Variants in SH3KBP1 observed in about 807,000 individuals in gnomAD.
The protein encoded by SH3KBP1 is SH3 domain containing kinase binding protein 1.
A neutral mutation model predicts 50.1 loss-of-function variants in SH3KBP1; 8 were observed. The observed-to-expected ratio is 0.16, with a 90% CI of 0.09 to 0.29. The LOEUF is 0.29. Ranked by LOEUF, SH3KBP1 falls within the 10% of genes least tolerant of loss-of-function variation. The pLI, the probability that SH3KBP1 is intolerant of heterozygous loss-of-function variation, is 1.00. For missense variants in SH3KBP1, 377 were observed against 535.2 expected (o/e 0.70, Z 2.92); for synonymous variants, 227 against 218.6 (o/e 1.04, Z -0.34).
At chrX:19,865,954 G>A (rs1329404133) in intron 1 of SH3KBP1, among the ~76,000 whole-genome samples, 1 of 112,281 alleles carries the variant, frequency 8.9e-6, no homozygotes, top group African/African-American at 3.2e-5. Context: ...GTTTTTGACA[G>A]GAGGGCATTT....
intron 6 of SH3KBP1, among the ~76,000 whole-genome samples, chrX:19,659,109 ATTTTTT>A (rs147804094): frequency 1.7e-5 from 1 of 57,331 alleles, no homozygotes; most frequent in African/African-American, 5.7e-5. Flanking sequence ...TGCCCAGCTA[ATTTTTT>A]TTTTTTTTTT....
intron 9 of SH3KBP1, among the ~76,000 whole-genome samples, chrX:19,605,870 CGT>C (rs1034540354): frequency 1.8e-5 from 2 of 112,152 alleles, no homozygotes; most frequent in Non-Finnish European, 1.9e-5. Context: ...TCTGTGCTCA[CGT>C]GTCTCTACCA....
intron 11 of SH3KBP1, 40 bp downstream of exon 11, chrX:19,592,027 C>T: frequency 9.4e-7 from 1 of 1,065,475 alleles, no homozygotes; most frequent in Non-Finnish European, 1.3e-6. Flanking sequence ...GCTTCAGCTC[C>T]TGCTGTTCTG....
intron 2 of SH3KBP1, among the ~76,000 whole-genome samples, chrX:19,793,346 G>C (rs2066604147): frequency 9.4e-6 from 1 of 106,069 alleles, no homozygotes; most frequent in Non-Finnish European, 1.9e-5. Flanking sequence ...ATCTGGCTAA[G>C]AGGCACCCGT....
At chrX:19,802,685 G>A (rs765066556) in intron 2 of SH3KBP1, among the ~76,000 whole-genome samples, 8 of 111,345 alleles carry the variant, frequency 7.2e-5, no homozygotes, top group South Asian at 3.7e-4. Context: ...GCTCTGGCCC[G>A]TCCTCTTCAC....
At chrX:19,608,306 CTT>C (rs57794070) in intron 8 of SH3KBP1, among the ~76,000 whole-genome samples, 6 of 87,265 alleles carry the variant, frequency 6.9e-5, no homozygotes, top group Admixed American at 1.2e-4. Flanking sequence ...TTCTTTCTTT[CTT>C]TTTTTTTTTT....
chrX:19,686,345 T>C (rs1269079365), intron 5 of SH3KBP1, among the ~76,000 whole-genome samples: 2 of 111,817 alleles, frequency 1.8e-5, no homozygotes, highest in Non-Finnish European at 3.8e-5. Context: ...TCATGCACAT[T>C]ATCCCATAAA....
chrX:19,747,395 C>T, intron 2 of SH3KBP1, among the ~76,000 whole-genome samples: 1 of 111,578 alleles, frequency 9.0e-6, no homozygotes. Flanking sequence ...ATCACAGTAA[C>T]TTGGGGAAAA....
intron 2 of SH3KBP1, among the ~76,000 whole-genome samples, chrX:19,776,173 A>C (rs2061689465): frequency 1.8e-5 from 2 of 111,896 alleles, no homozygotes; most frequent in African/African-American, 6.5e-5. Flanking sequence ...TAAAGTCAGA[A>C]GTCTCAAAAT....
chrX:19,765,929 C>T (rs1473575616), intron 2 of SH3KBP1, among the ~76,000 whole-genome samples: 2 of 112,084 alleles, frequency 1.8e-5, no homozygotes, highest in Non-Finnish European at 3.8e-5. Context: ...TGTATAGACA[C>T]TTGGGTTGCT....
intron 6 of SH3KBP1, among the ~76,000 whole-genome samples, chrX:19,655,237 C>CTCAT (rs370633523): frequency 1.8e-3 from 197 of 111,665 alleles, no homozygotes; most frequent in Middle Eastern, 4.7e-3. Context: ...TCATTCATTC[C>CTCAT]TCATTCATTC....
At chrX:19,808,658 C>T (rs1386210271) in intron 2 of SH3KBP1, among the ~76,000 whole-genome samples, 1 of 111,572 alleles carries the variant, frequency 9.0e-6, no homozygotes, top group Non-Finnish European at 1.9e-5. Flanking sequence ...ACTCAGCCTC[C>T]AGCAATTTGT....
At chrX:19,543,033 C>G (rs1338330917) in intron 15 of SH3KBP1, among the ~76,000 whole-genome samples, 1 of 111,770 alleles carries the variant, frequency 8.9e-6, no homozygotes, top group Non-Finnish European at 1.9e-5. Flanking sequence ...AGGGTTGGAC[C>G]CAGGCAGTGG....
At chrX:19,553,977 AAATAT>A (rs1206745922) in intron 13 of SH3KBP1, among the ~76,000 whole-genome samples, 2 of 66,611 alleles carry the variant, frequency 3.0e-5, no homozygotes, top group Admixed American at 2.4e-4. Flanking sequence ...ATATATATTA[AAATAT>A]AATATATAAT....
intron 2 of SH3KBP1, among the ~76,000 whole-genome samples, chrX:19,833,059 G>A (rs1457056215): frequency 8.9e-6 from 1 of 111,999 alleles, no homozygotes; most frequent in Non-Finnish European, 1.9e-5. Context: ...CACATTAAAG[G>A]TGTTCAAAAT....
chrX:19,564,360 T>C (rs1181143888), intron 13 of SH3KBP1, among the ~76,000 whole-genome samples: 2 of 112,152 alleles, frequency 1.8e-5, no homozygotes, highest in Admixed American at 9.4e-5. Context: ...CCATACAGAG[T>C]ACAGATTTAG....
Position 19,622,678 on chromosome X carries a change from T to C in SH3KBP1, c.897+9186A>G, listed in dbSNP as rs192225730. On this transcript the variant is annotated intron_variant, in intron 8 of 17. Coordinates refer to ENST00000397821, the MANE Select transcript of SH3KBP1 (RefSeq NM_031892.3). Reference sequence around the variant, plus strand: ...TGGCAGAAATGCACACAAAGACTGTTGAACAGGGTGACGACTATGTGCAAC... The same window carrying C: ...TGGCAGAAATGCACACAAAGACTGTCGAACAGGGTGACGACTATGTGCAAC... 1.9e-4 allele frequency among the ~76,000 whole-genome samples: 21 copies of C among 112,082 alleles called. No individual in the cohort carries two copies. The East Asian group carries it at 5.6e-3, about 30-fold the overall frequency.
chrX:19,839,335 C>T (rs865905246), intron 1 of SH3KBP1, among the ~76,000 whole-genome samples: 1 of 101,360 alleles, frequency 9.9e-6, no homozygotes, highest in African/African-American at 3.7e-5. Flanking sequence ...AAAAAAAAAA[C>T]AAAATTTTTT....
chrX:19,698,754 C>G (rs916030509), intron 4 of SH3KBP1, among the ~76,000 whole-genome samples: 1 of 111,931 alleles, frequency 8.9e-6, no homozygotes, highest in Non-Finnish European at 1.9e-5. Flanking sequence ...AATGATACCT[C>G]ACACTATCCC....
Sources: gnomAD v4.1 joint callset for allele counts (sites outside exome capture counted in the v4.1 genomes callset) on GRCh38, gnomAD v4.1.1 for gene constraint, MANE v1.5 for transcripts, NCBI Gene and HGNC (gene_info 2026-07-23, HGNC 2026-07-21) for gene names.